DNAH8: variants seen among roughly 807,000 people sequenced by gnomAD.
DNAH8 encodes axonemal beta dynein heavy chain 8.
A neutral mutation model predicts 562.1 loss-of-function variants in DNAH8; 382 were observed. That is an observed-to-expected ratio of 0.68 (90% CI 0.63 to 0.74). The LOEUF (loss-of-function observed/expected upper bound fraction) is 0.74, where lower values mean the gene tolerates loss of function less well. Ranked by LOEUF, DNAH8 falls within the 30% of genes least tolerant of loss-of-function variation. The probability of loss-of-function intolerance (pLI) is 0.00; values close to 1 mark genes in which losing one functional copy is unlikely to be tolerated. For synonymous variants in DNAH8, 1,881 were observed against 1,919.4 expected (o/e 0.98, Z 0.52); for missense variants, 5,203 against 5,620.4 (o/e 0.93, Z 2.37).
At chr6:39,011,673 A>G (rs759829384) in intron 89 of DNAH8, among the ~76,000 whole-genome samples, 11 of 152,250 alleles carry the variant, frequency 7.2e-5, no homozygotes, top group Admixed American at 1.3e-4. Context: ...CTGTCCCACA[A>G]AATCAAATAT....
intron 29 of DNAH8, among the ~76,000 whole-genome samples, chr6:38,826,984 T>G (rs570168693): frequency 2.0e-5 from 3 of 152,328 alleles, no homozygotes; most frequent in East Asian, 3.9e-4. Context: ...AAAATGGATC[T>G]AATGGGGCTA....
At chr6:38,913,376 A>G (rs1301263011) in intron 66 of DNAH8, among the ~76,000 whole-genome samples, 2 of 152,222 alleles carry the variant, frequency 1.3e-5, no homozygotes, top group Admixed American at 6.5e-5. Flanking sequence ...CTACGGTGCT[A>G]AAAGTTGCAA....
chr6:39,010,001 T>C (rs1199729945), intron 89 of DNAH8, among the ~76,000 whole-genome samples: 2 of 152,176 alleles, frequency 1.3e-5, no homozygotes, highest in Admixed American at 1.3e-4. Flanking sequence ...CATGTGAAAG[T>C]GAGATAAAAC....
At chr6:38,880,418 A>C (rs4286777) in intron 53 of DNAH8, among the ~76,000 whole-genome samples, 65,486 of 151,894 alleles carry the variant, frequency 0.43, 15,044 homozygotes, top group East Asian at 0.84. Flanking sequence ...TTATTTTGCT[A>C]TTTGAAATAG....
intron 45 of DNAH8, among the ~76,000 whole-genome samples, chr6:38,865,140 T>A (rs1776941485): frequency 6.6e-6 from 1 of 152,214 alleles, no homozygotes; most frequent in South Asian, 2.1e-4. Flanking sequence ...AAAGCTTTTA[T>A]GTGTTTTCCA....
At position 39,026,640 on chromosome 6, in the gene DNAH8, C is replaced by T. The variant is rs762348854; in HGVS notation, c.13809C>T (p.Thr4603=). Reference sequence around the variant, plus strand: ...TCCACAATGAAGTTCTGAGACAGACCAAGGAGGAGATCACGTCACCCCCTG... The same window carrying T: ...TCCACAATGAAGTTCTGAGACAGACTAAGGAGGAGATCACGTCACCCCCTG... The part of the protein sequence containing the change: ...VTIHNEVLRQ[T]KEEITSPPGE... The change falls in exon 92 of 93, where the codon ACC becomes ACT. Residue 4603 remains threonine (T), a synonymous_variant. Coordinates refer to ENST00000327475, the MANE Select transcript of DNAH8 (RefSeq NM_001206927.2). The T allele has an allele frequency of 3.7e-6, 6 of 1,613,534 alleles. No individual in the cohort carries two copies. Among genetic ancestry groups the T allele is most frequent in the East Asian group, 2.2e-5 (1 of 44,874 alleles).
Position 38,898,336 on chromosome 6 carries a change from C to G in DNAH8, c.9019C>G (p.Leu3007Val). 6.3e-7 allele frequency: 1 copy of G among 1,585,706 alleles called. No individual in the cohort carries two copies. The highest frequency in any genetic ancestry group is 8.5e-7 in the Non-Finnish European group (1 of 1,171,416). The change falls in exon 61 of 93, where the codon CTT (leucine) becomes GTT (valine). Residue 3007 changes from leucine to valine, a missense_variant. Leu to Val is a conservative substitution (Grantham distance 32). This residue lies in a region of DNAH8 where 977 missense variants were observed against 1,061.8 expected (regional missense o/e 0.92). Transcript: ENST00000327475. ...QFNEIIRGTS[L>V]DLVFFKDAMT... ...CAATGAAATCATTAGAGGAACATCT[C>G]TTGATCTGGTGTTTTTTAAAGATGC...
In DNAH8 at chr6:38,906,404, G is replaced by A; in HGVS notation, c.9345G>A (p.Gly3115=). 2 of 1,582,052 alleles carry A rather than the reference G, an allele frequency of 1.3e-6. No homozygotes were observed. Among genetic ancestry groups the A allele is most frequent in the Non-Finnish European group, 1.7e-6 (2 of 1,165,654 alleles). ...ACCTTAACAACTTGCTATCTTCAGG[G>A]GAGGTAAGTCTCAAAAGTAGAGAAA... is the stretch of plus-strand genomic sequence containing the variant. The part of the protein sequence containing the change: ...LEYLNNLLSS[G]EISNLFARDE... Residue 3115 remains glycine, a synonymous_variant, in exon 63 of 93, where the codon GGG becomes GGA. Coordinates refer to ENST00000327475, the MANE Select transcript of DNAH8 (RefSeq NM_001206927.2).
At chr6:38,943,973 C>T (rs1233801172) in intron 79 of DNAH8, among the ~76,000 whole-genome samples, 1 of 152,016 alleles carries the variant, frequency 6.6e-6, no homozygotes, top group African/African-American at 2.4e-5. Flanking sequence ...AGCGGCAGAG[C>T]CAGGATATTT....
chr6:39,016,951 G>A (rs1162177363), intron 91 of DNAH8, among the ~76,000 whole-genome samples: 22 of 152,330 alleles, frequency 1.4e-4, no homozygotes, highest in Non-Finnish European at 1.0e-4. Context: ...AAGAGGCTGA[G>A]TCAGCCACCG....
chr6:38,890,603 T>A, intron 57 of DNAH8, 49 bp from the exon 58 acceptor site: 1 of 1,319,624 alleles, frequency 7.6e-7, no homozygotes, highest in Non-Finnish European at 1.1e-6. Context: ...AAACATATAC[T>A]TGGAAATCTT....
chr6:38,735,648 G>T (rs1193619512), intron 5 of DNAH8, among the ~76,000 whole-genome samples: 1 of 151,858 alleles, frequency 6.6e-6, no homozygotes, highest in African/African-American at 2.4e-5. Flanking sequence ...TTATAATTTA[G>T]CTTTTGTTTT....
chr6:38,759,504 C>G (rs1413503489), intron 10 of DNAH8, among the ~76,000 whole-genome samples: 1 of 152,182 alleles, frequency 6.6e-6, no homozygotes, highest in Non-Finnish European at 1.5e-5. Flanking sequence ...AATCCTTCCT[C>G]TTTACCTGTC....
chr6:38,863,857 CT>C lies in DNAH8; in HGVS notation c.6311-15del. On this transcript the variant is annotated splice_polypyrimidine_tract_variant and intron_variant, in intron 44 of 92. Transcript: ENST00000327475. ...TATAGAGTAAAACTTTACAAATTAA[CT>C]GTTTTTCATGCCAGGTCTTGCACAG... The C allele has an allele frequency of 6.4e-7, 1 of 1,568,048 alleles. No homozygotes were observed. The highest frequency in any genetic ancestry group is 1.7e-4 in the Middle Eastern group (1 of 5,882).
chr6:38,974,128 G>A (rs1375713706), intron 84 of DNAH8, among the ~76,000 whole-genome samples: 1 of 152,056 alleles, frequency 6.6e-6, no homozygotes, highest in Non-Finnish European at 1.5e-5. Flanking sequence ...TATACAGGTT[G>A]AGCATCCTAA....
chr6:38,827,064 T>C (rs1678724), intron 29 of DNAH8, among the ~76,000 whole-genome samples: 32,188 of 152,066 alleles, frequency 0.21, 4,284 homozygotes, highest in African/African-American at 0.37. Context: ...CTCCTTTTTC[T>C]AGCTTCTAGG....
intron 91 of DNAH8, among the ~76,000 whole-genome samples, chr6:39,015,235 G>A (rs1330623185): frequency 6.6e-6 from 1 of 152,158 alleles, no homozygotes; most frequent in African/African-American, 2.4e-5. Flanking sequence ...CCATAGTCAC[G>A]AATGCACATA....
intron 4 of DNAH8, among the ~76,000 whole-genome samples, chr6:38,732,756 C>G (rs1763752778): frequency 6.6e-6 from 1 of 152,018 alleles, no homozygotes; most frequent in Non-Finnish European, 1.5e-5. Context: ...CTTACATGCC[C>G]ACCTTTACAG....
In DNAH8 at chr6:38,741,766, C is replaced by G; in HGVS notation, c.1172C>G (p.Thr391Ser). The G allele has an allele frequency of 4.3e-6, 7 of 1,613,928 alleles. No homozygotes were observed. The highest frequency in any genetic ancestry group is 5.9e-6 in the Non-Finnish European group (7 of 1,179,900). The change falls in exon 8 of 93, where the codon ACT becomes AGT. Residue 391 changes from threonine (T) to serine (S), a missense_variant. Physicochemically the swap from Thr to Ser is moderately conservative, Grantham distance 58 (BLOSUM62 1). Transcript: ENST00000327475. ...GAAGCTGGTGATTCAGGTCCACTCA[C>G]TGAATTGGAACACTGGAAACGCATG... Reference protein sequence around the residue: ...RKEAGDSGPLTELEHWKRMSA... With the variant: ...RKEAGDSGPLSELEHWKRMSA...
Sources: allele counts gnomAD v4.1 joint callset (sites outside exome capture counted in the v4.1 genomes callset), GRCh38; gene constraint gnomAD v4.1.1; regional missense constraint gnomAD v4.1.1; transcripts MANE v1.5; gene names NCBI Gene and HGNC (gene_info 2026-07-23, HGNC 2026-07-21).